The following FMNL2 variants were observed in gnomAD, a reference collection of about 807,000 sequenced individuals.
The protein encoded by FMNL2 is formin-like protein 2.
FMNL2 carries 51 observed loss-of-function variants against 130.2 expected under a neutral mutation model. That is an observed-to-expected ratio of 0.39 (90% CI 0.31 to 0.49). FMNL2 has a LOEUF of 0.49. FMNL2 is among the 20% of genes least tolerant of loss of function. FMNL2 has a pLI of 0.85. For synonymous variants in FMNL2, 465 were observed against 467.1 expected (o/e 1.00, Z 0.06); for missense variants, 977 against 1,316.2 (o/e 0.74, Z 3.99).
At chr2:152,528,427 ATTTCT>A (rs1693514654) in intron 2 of FMNL2, among the ~76,000 whole-genome samples, 1 of 151,896 alleles carries the variant, frequency 6.6e-6, no homozygotes, top group South Asian at 2.1e-4. Context: ...CCTAAAGGAG[ATTTCT>A]TCCTTTCCTC....
rs1255617187 is a variant in FMNL2, at chr2:152,575,136, A to G, written c.597A>G (p.Arg199=). The G allele has an allele frequency of 6.3e-7, 1 of 1,578,574 alleles. No homozygotes were observed. Among genetic ancestry groups the G allele is most frequent in the Non-Finnish European group, 8.7e-7 (1 of 1,154,704 alleles). Residue 199 remains arginine (R), a splice_region_variant and synonymous_variant, in exon 7 of 26, where the codon CGA becomes CGG. Transcript: ENST00000288670. ...VSRSGRHSAL[R]YNTLPSRRTL... ...TAGAAGTTTCTCTTTTTGTTTGTAG[A>G]TATAATACATTGCCAAGCAGAAGAA...
At chr2:152,501,480 T>G (rs1691830601) in intron 1 of FMNL2, among the ~76,000 whole-genome samples, 1 of 152,180 alleles carries the variant, frequency 6.6e-6, no homozygotes, top group East Asian at 1.9e-4. Context: ...TAATGAAGGC[T>G]CTATTCAATT....
intron 1 of FMNL2, among the ~76,000 whole-genome samples, chr2:152,460,569 A>G (rs1037671978): frequency 5.3e-5 from 8 of 152,070 alleles, no homozygotes; most frequent in African/African-American, 1.9e-4. Context: ...GGGGTCCCCA[A>G]CCCCCGGGCC....
At chr2:152,516,287 T>G (rs939313286) in intron 1 of FMNL2, among the ~76,000 whole-genome samples, 2 of 152,148 alleles carry the variant, frequency 1.3e-5, no homozygotes, top group African/African-American at 4.8e-5. Context: ...TGAGGTAAAT[T>G]TTATATTATG....
chr2:152,347,188 G>T (rs1208633455), intron 1 of FMNL2, among the ~76,000 whole-genome samples: 1 of 152,122 alleles, frequency 6.6e-6, no homozygotes, highest in African/African-American at 2.4e-5. Context: ...CTTCAGGAGT[G>T]GTGAGACTTG....
chr2:152,439,938 A>G (rs571413857), intron 1 of FMNL2, among the ~76,000 whole-genome samples: 3 of 151,466 alleles, frequency 2.0e-5, no homozygotes, highest in African/African-American at 7.3e-5. Flanking sequence ...TAGATTCTGG[A>G]CAGAAAAGTC....
intron 8 of FMNL2, among the ~76,000 whole-genome samples, 166 bp from the exon 9 acceptor site, chr2:152,580,784 TGTAGTA>T (rs1696735803): frequency 1.3e-5 from 2 of 152,224 alleles, no homozygotes; most frequent in East Asian, 3.8e-4. Context: ...AAATCACATA[TGTAGTA>T]GTCAGTAAAG....
At chr2:152,438,355 C>T (rs770442553) in intron 1 of FMNL2, among the ~76,000 whole-genome samples, 26 of 152,148 alleles carry the variant, frequency 1.7e-4, no homozygotes, top group Non-Finnish European at 3.8e-4. Flanking sequence ...CAGATGCCCT[C>T]AAGGGCCACG....
chr2:152,347,040 G>A (rs1682164228), intron 1 of FMNL2, among the ~76,000 whole-genome samples: 1 of 151,562 alleles, frequency 6.6e-6, no homozygotes, highest in Non-Finnish European at 1.5e-5. Flanking sequence ...GCAGTGAGCC[G>A]AGATCCTGCC....
chr2:152,591,249 T>G (rs1173285134), intron 9 of FMNL2, among the ~76,000 whole-genome samples: 4 of 151,982 alleles, frequency 2.6e-5, no homozygotes, highest in African/African-American at 9.7e-5. Flanking sequence ...GACTTCGTGA[T>G]CCGCCCACCT....
chr2:152,478,063 C>T (rs1031778779), intron 1 of FMNL2, among the ~76,000 whole-genome samples: 1 of 151,100 alleles, frequency 6.6e-6, no homozygotes, highest in Non-Finnish European at 1.5e-5. Flanking sequence ...TCTTTGTTAC[C>T]CAAATTAAAA....
chr2:152,471,558 G>A lies in FMNL2; in HGVS notation c.118-50385G>A, dbSNP rs1026695147. On this transcript the variant is annotated intron_variant, in intron 1 of 25. Coordinates refer to ENST00000288670, the MANE Select transcript of FMNL2 (RefSeq NM_052905.4). Reference sequence around the variant, plus strand: ...CTCAGTATAGTCCACGTGGGGGTGGGCGTCCGGCGCCTGGTTCTGTAGCAG... The same window carrying A: ...CTCAGTATAGTCCACGTGGGGGTGGACGTCCGGCGCCTGGTTCTGTAGCAG... Among the ~76,000 whole-genome samples, 4 of 152,150 alleles carry A rather than the reference G, an allele frequency of 2.6e-5. No individual in the cohort carries two copies. The East Asian group carries it at 7.7e-4, about 29-fold the overall frequency.
In FMNL2 at chr2:152,648,730, C is replaced by T. The variant is rs188311898; in HGVS notation, c.*825C>T. 6.5e-6 allele frequency: 1 copy of T among 152,718 alleles called. No individual in the cohort carries two copies. The highest frequency in any genetic ancestry group is 1.9e-4 in the East Asian group (1 of 5,184). 9.5% of individuals were successfully genotyped at this position (152,718 alleles called of 1,614,324 possible). On this transcript the variant is annotated 3_prime_UTR_variant, in exon 26 of 26. Coordinates refer to ENST00000288670, the MANE Select transcript of FMNL2 (RefSeq NM_052905.4). ...GAAGTTTACTAGCTCTATCAACAAGCATTCAAGGTTACATCTGCTAGCAGA... is the reference window on the plus strand; with the variant it reads ...GAAGTTTACTAGCTCTATCAACAAGTATTCAAGGTTACATCTGCTAGCAGA...
At chr2:152,481,115 ACT>A (rs1256226911) in intron 1 of FMNL2, among the ~76,000 whole-genome samples, 2 of 152,192 alleles carry the variant, frequency 1.3e-5, no homozygotes, top group Non-Finnish European at 2.9e-5. Flanking sequence ...TATTGCATGG[ACT>A]CTTTTATGGC....
At chr2:152,496,893 A>C (rs1280460082) in intron 1 of FMNL2, among the ~76,000 whole-genome samples, 1 of 150,688 alleles carries the variant, frequency 6.6e-6, no homozygotes, top group Non-Finnish European at 1.5e-5. Context: ...AGATGTTCCA[A>C]GCTTATCTTG....
intron 9 of FMNL2, among the ~76,000 whole-genome samples, chr2:152,599,075 A>C (rs1697908526): frequency 6.6e-6 from 1 of 152,222 alleles, no homozygotes; most frequent in South Asian, 2.1e-4. Flanking sequence ...CCCTTCCTCC[A>C]AATTCTTTTT....
intron 10 of FMNL2, 47 bp downstream of exon 10, chr2:152,607,460 T>C (rs1289114966): frequency 7.9e-7 from 1 of 1,267,850 alleles, no homozygotes; most frequent in Non-Finnish European, 1.1e-6. Flanking sequence ...TTCAATACTT[T>C]TTTTCTAAAT....
chr2:152,577,354 T>C (rs1696533846), intron 7 of FMNL2, among the ~76,000 whole-genome samples: 1 of 152,196 alleles, frequency 6.6e-6, no homozygotes, highest in South Asian at 2.1e-4. Context: ...GAATTCTGTT[T>C]CGGGGATTTT....
At chr2:152,575,355 A>C (rs375873175) in intron 7 of FMNL2, 111 bp downstream of exon 7, 1 of 552,046 alleles carries the variant, frequency 1.8e-6, no homozygotes, top group African/African-American at 1.9e-5. Context: ...AAAAGCCCAG[A>C]CTTCATCATC....
Sources: allele counts gnomAD v4.1 joint callset (sites outside exome capture counted in the v4.1 genomes callset), GRCh38; gene constraint gnomAD v4.1.1; transcripts MANE v1.5; gene names NCBI Gene and HGNC (gene_info 2026-07-23, HGNC 2026-07-21).